PPARGC1A: variants seen among roughly 807,000 people sequenced by gnomAD.
The protein encoded by PPARGC1A is PPARG coactivator 1 alpha.
In PPARGC1A, 25 loss-of-function variants were observed where a neutral mutation model predicts 88.7. That is an observed-to-expected ratio of 0.28 (90% CI 0.21 to 0.39). The LOEUF is 0.39. Ranked by LOEUF, PPARGC1A falls within the 10% of genes least tolerant of loss-of-function variation. PPARGC1A has a pLI of 1.00. For synonymous variants in PPARGC1A, 363 were observed against 355.6 expected (o/e 1.02, Z -0.24); for missense variants, 880 against 968.7 (o/e 0.91, Z 1.22).
chr4:24,163,255 A>G, the PPARGC1A span, among the ~76,000 whole-genome samples: 2 of 150,150 alleles, frequency 1.3e-5, no homozygotes, highest in Non-Finnish European at 3.0e-5. Flanking sequence ...CAAAAGTAAG[A>G]GAGTTTATCA....
chr4:23,858,998 G>A (rs969997508), intron 2 of PPARGC1A, among the ~76,000 whole-genome samples: 8 of 149,352 alleles, frequency 5.4e-5, no homozygotes, highest in African/African-American at 2.0e-4. Flanking sequence ...ATTAAAGTAT[G>A]TAAATATAAA....
the PPARGC1A span, among the ~76,000 whole-genome samples, chr4:24,320,982 A>T: frequency 6.6e-6 from 1 of 152,162 alleles, no homozygotes; most frequent in African/African-American, 2.4e-5. Context: ...GAAGATATCC[A>T]GGTCCCCGTT....
the PPARGC1A span, among the ~76,000 whole-genome samples, chr4:24,361,237 A>G: frequency 6.6e-6 from 1 of 152,304 alleles, no homozygotes; most frequent in East Asian, 1.9e-4. Flanking sequence ...AAAGCTTCAC[A>G]GGGAAAAGGG....
the PPARGC1A span, among the ~76,000 whole-genome samples, chr4:23,962,251 A>G: frequency 1.3e-5 from 2 of 152,140 alleles, no homozygotes; most frequent in Non-Finnish European, 1.5e-5. Flanking sequence ...GTTGTATATT[A>G]TGGGGGAAAG....
the PPARGC1A span, among the ~76,000 whole-genome samples, chr4:24,184,623 G>C: frequency 1.3e-5 from 2 of 152,218 alleles, no homozygotes; most frequent in African/African-American, 4.8e-5. Context: ...CCCAGCCTTG[G>C]CTTGGGCAGG....
At chr4:24,341,004 A>G in the PPARGC1A span, among the ~76,000 whole-genome samples, 30 of 152,224 alleles carry the variant, frequency 2.0e-4, no homozygotes, top group African/African-American at 6.0e-4. Flanking sequence ...TTCATTTTCC[A>G]TCATAGGAAT....
chr4:24,103,091 C>T, the PPARGC1A span, among the ~76,000 whole-genome samples: 6 of 152,134 alleles, frequency 3.9e-5, no homozygotes, highest in East Asian at 3.9e-4. Flanking sequence ...ACACCCCATG[C>T]GCTTCAATGT....
At chr4:24,199,000 G>T in the PPARGC1A span, among the ~76,000 whole-genome samples, 1 of 152,182 alleles carries the variant, frequency 6.6e-6, no homozygotes, top group African/African-American at 2.4e-5. Context: ...AGGCAGGACA[G>T]ATCAGCATCT....
chr4:24,071,535 A>G, the PPARGC1A span, among the ~76,000 whole-genome samples: 3 of 151,946 alleles, frequency 2.0e-5, no homozygotes, highest in African/African-American at 7.3e-5. Context: ...TTATAAGTAC[A>G]TTATAATTTT....
the PPARGC1A span, among the ~76,000 whole-genome samples, chr4:24,087,631 C>A: frequency 6.6e-6 from 1 of 152,196 alleles, no homozygotes; most frequent in Admixed American, 6.5e-5. Flanking sequence ...AGTGAAGAAG[C>A]CAGTGATCAG....
intron 12 of PPARGC1A, among the ~76,000 whole-genome samples, chr4:23,796,302 T>G (rs537538712): frequency 1.2e-4 from 18 of 152,298 alleles, no homozygotes; most frequent in Admixed American, 2.6e-4. Flanking sequence ...TTCAATGGGA[T>G]TAATTTAATT....
upstream of PPARGC1A, among the ~76,000 whole-genome samples, chr4:23,904,667 C>G (rs1719828179): frequency 6.6e-6 from 1 of 152,134 alleles, no homozygotes; most frequent in South Asian, 2.1e-4. Flanking sequence ...GAATGACAGA[C>G]AAGAGTCAGA....
the PPARGC1A span, among the ~76,000 whole-genome samples, chr4:24,239,910 G>A: frequency 1.1e-4 from 17 of 152,042 alleles, no homozygotes; most frequent in South Asian, 2.1e-4. Flanking sequence ...TACCTGTCTC[G>A]CTTATTCTCT....
chr4:24,228,499 C>A, the PPARGC1A span, among the ~76,000 whole-genome samples: 1 of 151,958 alleles, frequency 6.6e-6, no homozygotes, highest in Admixed American at 6.6e-5. Flanking sequence ...TCAGGGTGGG[C>A]AGGGTAGAAG....
At chr4:24,382,950 T>A in the PPARGC1A span, among the ~76,000 whole-genome samples, 1 of 152,152 alleles carries the variant, frequency 6.6e-6, no homozygotes, top group Admixed American at 6.5e-5. Context: ...GGGAGATACC[T>A]CCCAGCAGGG....
At chr4:24,373,422 G>C in the PPARGC1A span, among the ~76,000 whole-genome samples, 1 of 152,176 alleles carries the variant, frequency 6.6e-6, no homozygotes, top group East Asian at 1.9e-4. Flanking sequence ...TTCCCTATCA[G>C]TGCATATTTA....
the PPARGC1A span, among the ~76,000 whole-genome samples, chr4:24,012,344 G>A: frequency 1.3e-5 from 2 of 152,092 alleles, no homozygotes; most frequent in Non-Finnish European, 2.9e-5. Flanking sequence ...AGAAGTACAA[G>A]TCTTCTCCTA....
At chr4:24,392,239 G>A in the PPARGC1A span, among the ~76,000 whole-genome samples, 150,338 of 152,280 alleles carry the variant, frequency 0.99, 74,231 homozygotes, top group East Asian at 1. Flanking sequence ...CAACTAGGTG[G>A]AGGCTTTTTT....
chr4:24,376,985 C>T, the PPARGC1A span, among the ~76,000 whole-genome samples: 3 of 151,978 alleles, frequency 2.0e-5, no homozygotes, highest in African/African-American at 4.8e-5. Flanking sequence ...GCAATAAAAT[C>T]GTGTGCAATA....
Sources: gnomAD v4.1 joint callset for allele counts (sites outside exome capture counted in the v4.1 genomes callset) on GRCh38, gnomAD v4.1.1 for gene constraint, MANE v1.5 for transcripts, NCBI Gene and HGNC (gene_info 2026-07-23, HGNC 2026-07-21) for gene names.